Variants in TMC3 observed in about 807,000 individuals in gnomAD.
TMC3 encodes the protein transmembrane channel-like protein 3.
Under a neutral mutation model 110.6 loss-of-function variants are expected in TMC3, and 98 were observed. The ratio of observed to expected loss-of-function variants is 0.89; its 90% confidence interval spans 0.75 to 1.05. TMC3 has a LOEUF of 1.05. Among genes scored for constraint, TMC3 ranks in the 50% least tolerant of loss-of-function variants. TMC3 has a pLI of 0.00. For synonymous variants in TMC3, 489 were observed against 513.1 expected (o/e 0.95, Z 0.63); for missense variants, 1,319 against 1,373.2 (o/e 0.96, Z 0.62).
At position 81,372,349 on chromosome 15, in the gene TMC3, G is replaced by GACACACAC. The variant is rs371289786; in HGVS notation, c.236+234_236+241dup. 4.2e-3 allele frequency among the ~76,000 whole-genome samples: 489 copies of GACACACAC among 116,844 alleles called. 6 individuals are homozygous for GACACACAC. The highest frequency in any genetic ancestry group is 0.011 in the South Asian group (29 of 2,718). The allele number at this position is 116,844 out of a possible 152,430, so 76.7% of individuals were successfully genotyped here. ...TCTCTTTCTCTGTATCTGTCTCTCT[G>GACACACAC]ACACACACACACACACACACACACA... On this transcript the variant is annotated intron_variant, in intron 2 of 21. Transcript: ENST00000359440.
At position 81,334,881 on chromosome 15, in the gene TMC3, T is replaced by G. The variant is rs756983949; in HGVS notation, c.2298A>C (p.Gln766His). ...QLSSAHSGTP[Q>H]NNGNVAHFDS... is the part of the protein sequence containing the mutation. The stretch of plus-strand genomic sequence containing the variant: ...CAAAATGGGCCACGTTGCCGTTGTT[T>G]TGGGGTGTGCCCGAGTGCGCTGAGG... The change falls in exon 21 of 22, where the codon CAA (glutamine) becomes CAC (histidine). Residue 766 changes from glutamine (Q) to histidine (H), a missense_variant. Physicochemically the swap from Gln to His is conservative, Grantham distance 24. Coordinates refer to ENST00000359440, the MANE Select transcript of TMC3 (RefSeq NM_001080532.3). 6.2e-7 allele frequency: 1 copy of G among 1,614,028 alleles called. No individual in the cohort carries two copies. The highest frequency in any genetic ancestry group is 8.5e-7 in the Non-Finnish European group (1 of 1,179,898).
At chr15:81,340,962 G>T (rs942183479) in intron 16 of TMC3, among the ~76,000 whole-genome samples, 9 of 152,324 alleles carry the variant, frequency 5.9e-5, no homozygotes, top group East Asian at 1.9e-4. Flanking sequence ...GTGTGATTAC[G>T]TTTACATCAA....
At chr15:81,353,249 A>G (rs941655777) in intron 9 of TMC3, among the ~76,000 whole-genome samples, 1 of 111,606 alleles carries the variant, frequency 9.0e-6, no homozygotes, top group Admixed American at 7.7e-5. Flanking sequence ...TAAGTATTAC[A>G]AGAGTCAAAC....
At position 81,344,953 on chromosome 15, in the gene TMC3, G is replaced by T. The variant is rs1014261571; in HGVS notation, c.1331C>A (p.Thr444Asn). 1.2e-6 allele frequency: 2 copies of T among 1,610,848 alleles called. No homozygotes were observed. The highest frequency in any genetic ancestry group is 1.7e-6 in the Non-Finnish European group (2 of 1,178,556). ...HWIDSTTFFA[T>N]RTAPEEEKWS... is the part of the protein sequence containing the mutation. Reference sequence around the variant, plus strand: ...TTTCTCTTCTTCAGGGGCTGTCCTGGTTGCAAAGAAGGTGGTGGAATCTAT... The same window carrying T: ...TTTCTCTTCTTCAGGGGCTGTCCTGTTTGCAAAGAAGGTGGTGGAATCTAT... The change falls in exon 13 of 22, where the codon ACC becomes AAC. Residue 444 changes from threonine (T) to asparagine (N), a missense_variant. By Grantham distance (65) the Thr-to-Asn change is moderately conservative (BLOSUM62 0). Transcript: ENST00000359440.
Position 81,344,959 on chromosome 15 carries a change from A to T in TMC3, c.1325T>A (p.Phe442Tyr). ...TSHWIDSTTF[F>Y]ATRTAPEEEK... ...TTCTTCAGGGGCTGTCCTGGTTGCA[A>T]AGAAGGTGGTGGAATCTATCCAATG... The change falls in exon 13 of 22, where the codon TTT becomes TAT. Residue 442 changes from phenylalanine (F) to tyrosine (Y), a missense_variant. Coordinates refer to ENST00000359440, the MANE Select transcript of TMC3 (RefSeq NM_001080532.3). 6.2e-7 allele frequency: 1 copy of T among 1,609,140 alleles called. No homozygotes were observed. Among genetic ancestry groups the T allele is most frequent in the African/African-American group, 1.3e-5 (1 of 74,966 alleles).
chr15:81,332,674 G>T lies in TMC3; in HGVS notation c.3048C>A (p.Ser1016=), dbSNP rs201630712. ...RPAYVPRKPR[S]RNFQYPQPPL... is the part of the protein sequence containing the mutation. ...GGGGCTGTGGGTATTGGAAATTCCG[G>T]GATCGTGGCTTTCTGGGCACATAGG... Residue 1016 remains serine (S), a synonymous_variant, in exon 22 of 22, where the codon TCC becomes TCA. Coordinates refer to ENST00000359440, the MANE Select transcript of TMC3 (RefSeq NM_001080532.3). The T allele has an allele frequency of 1.1e-5, 18 of 1,613,990 alleles. No homozygotes were observed. In the Admixed American group the frequency reaches 2.0e-4, roughly 18 times the overall value.
chr15:81,374,102 CAG>C lies in TMC3; in HGVS notation c.-27_-26del. The C allele has an allele frequency of 1.2e-6, 2 of 1,607,300 alleles. No homozygotes were observed. Among genetic ancestry groups the C allele is most frequent in the Non-Finnish European group, 1.7e-6 (2 of 1,174,798 alleles). On this transcript the variant is annotated 5_prime_UTR_variant, in exon 1 of 22. Transcript: ENST00000359440. ...TGGGAGCTAACCCACTGCTAACAAT[CAG>C]AAGCTGGCCAGAGAGCTAGGAAGTT...
At chr15:81,367,798 C>T (rs1894347366) in intron 3 of TMC3, among the ~76,000 whole-genome samples, 1 of 152,200 alleles carries the variant, frequency 6.6e-6, no homozygotes, top group African/African-American at 2.4e-5. Context: ...CTTTTCAACT[C>T]TATCATCCTG....
chr15:81,335,850 C>G (rs1893582074), intron 20 of TMC3: 1 of 152,308 alleles, frequency 6.6e-6, no homozygotes, highest in Non-Finnish European at 1.5e-5. Context: ...GACTTCTACG[C>G]CACATGCTTC....
intron 10 of TMC3, 144 bp from the exon 11 acceptor site, chr15:81,349,711 C>A: frequency 2.4e-6 from 1 of 420,148 alleles, no homozygotes; most frequent in Non-Finnish European, 4.1e-6. Flanking sequence ...CCCCCCAAAT[C>A]TCTGCTAATT....
chr15:81,359,433 A>G lies in TMC3; in HGVS notation c.433T>C (p.Leu145=). 6.2e-7 allele frequency: 1 copy of G among 1,604,684 alleles called. No homozygotes were observed. ...GSGVASYFIF[L]RWLFGINIVL... The stretch of plus-strand genomic sequence containing the variant: ...ATATTAATTCCAAATAACCATCTCA[A>G]GAATATGAAATAGGAGGCAACGCCA... Residue 145 remains leucine (L), a synonymous_variant, in exon 5 of 22, where the codon TTG becomes CTG. Coordinates refer to ENST00000359440, the MANE Select transcript of TMC3 (RefSeq NM_001080532.3).
chr15:81,374,179 G>A lies in TMC3; in HGVS notation c.-102C>T. The A allele has an allele frequency of 2.0e-6, 2 of 994,834 alleles. No individual in the cohort carries two copies. Among genetic ancestry groups the A allele is most frequent in the Non-Finnish European group, 1.5e-6 (1 of 646,260 alleles). 61.6% of individuals were successfully genotyped at this position (994,834 alleles called of 1,614,324 possible). On this transcript the variant is annotated 5_prime_UTR_variant, in exon 1 of 22. Transcript: ENST00000359440. ...TTTCTGAATGGAAGCAGCGGAGTTT[G>A]CTCTGCCCGCTAGTTCTCAGGAAGA...
intron 3 of TMC3, among the ~76,000 whole-genome samples, chr15:81,364,313 G>T (rs560819813): frequency 6.6e-6 from 1 of 152,204 alleles, no homozygotes; most frequent in East Asian, 1.9e-4. Flanking sequence ...AGGAAAATGT[G>T]ATTGAAAAAG....
chr15:81,339,746 G>A (rs913387267), intron 16 of TMC3, among the ~76,000 whole-genome samples: 9 of 152,140 alleles, frequency 5.9e-5, no homozygotes, highest in African/African-American at 2.2e-4. Flanking sequence ...ATAAACATTT[G>A]CTGAGCACCT....
chr15:81,349,517 G>T lies in TMC3; in HGVS notation c.1134C>A (p.Asp378Glu), dbSNP rs541158729. Residue 378 changes from aspartate (D) to glutamate (E), a missense_variant, in exon 11 of 22, where the codon GAC becomes GAA. Coordinates refer to ENST00000359440, the MANE Select transcript of TMC3 (RefSeq NM_001080532.3). ...LVTMIAPSAF[D>E]LIAALEMYHP... is the part of the protein sequence containing the mutation. ...GGTACATCTCTAAGGCAGCAATGAG[G>T]TCAAAGGCTGATGGTGCTATCATGG... 3.2e-6 allele frequency: 5 copies of T among 1,563,188 alleles called. No individual in the cohort carries two copies. The African/African-American group carries it at 5.5e-5, about 17-fold the overall frequency.
chr15:81,343,294 T>C lies in TMC3; in HGVS notation c.1699A>G (p.Asn567Asp). The C allele has an allele frequency of 6.2e-7, 1 of 1,609,038 alleles. No homozygotes were observed. The highest frequency in any genetic ancestry group is 2.2e-5 in the East Asian group (1 of 44,858). The stretch of plus-strand genomic sequence containing the variant: ...GATACCTACCAAATCATTCCTTGGT[T>C]GTAGACTAAATGTAGCACATTCTCA... ...IAENVLHLVY[N>D]QGMIWMGAFF... The change falls in exon 15 of 22, where the codon AAC (asparagine) becomes GAC (aspartate). Residue 567 changes from asparagine (N) to aspartate (D), a missense_variant. Coordinates refer to ENST00000359440, the MANE Select transcript of TMC3 (RefSeq NM_001080532.3).
Position 81,338,649 on chromosome 15 carries a change from A to C in TMC3, c.2081+6T>G, listed in dbSNP as rs773153801. ...TCCCTCCAAAGCTGGCAGGTGTGGT[A>C]CTCACAAAAGCAGGAGTACTGCGGG... On this transcript the variant is annotated splice_donor_region_variant and intron_variant, in intron 18 of 21. Coordinates refer to ENST00000359440, the MANE Select transcript of TMC3 (RefSeq NM_001080532.3). The C allele has an allele frequency of 6.2e-7, 1 of 1,613,676 alleles. No homozygotes were observed. The highest frequency in any genetic ancestry group is 8.5e-7 in the Non-Finnish European group (1 of 1,179,812).
intron 4 of TMC3, among the ~76,000 whole-genome samples, chr15:81,361,704 A>C (rs1894191102): frequency 6.6e-6 from 1 of 152,112 alleles, no homozygotes; most frequent in Non-Finnish European, 1.5e-5. Context: ...TTTTAACAAG[A>C]CTTTTCTATC....
chr15:81,366,073 A>G lies in TMC3; in HGVS notation c.312+2180T>C, dbSNP rs550810686. On this transcript the variant is annotated intron_variant, in intron 3 of 21. Coordinates refer to ENST00000359440, the MANE Select transcript of TMC3 (RefSeq NM_001080532.3). ...CAGTTCATGAAAAGCATATTTATTC[A>G]TAGTATGTATTAAGCACCTAGGTTG... Among the ~76,000 whole-genome samples the G allele has an allele frequency of 9.8e-5, 15 of 152,314 alleles. No homozygotes were observed. The South Asian group carries it at 1.7e-3, about 17-fold the overall frequency.
Sources: gnomAD v4.1 joint callset for allele counts (sites outside exome capture counted in the v4.1 genomes callset) on GRCh38, gnomAD v4.1.1 for gene constraint, MANE v1.5 for transcripts, NCBI Gene and HGNC (gene_info 2026-07-23, HGNC 2026-07-21) for gene names.